GUCY2F: variants seen among roughly 807,000 people sequenced by gnomAD.
GUCY2F encodes guanylate cyclase 2F, retinal.
In GUCY2F, 61 loss-of-function variants were observed where a neutral mutation model predicts 73.1. That is an observed-to-expected ratio of 0.83 (90% confidence interval 0.68 to 1.03). The LOEUF is 1.03. Ranked by LOEUF, GUCY2F falls within the 50% of genes least tolerant of loss-of-function variation. The probability of loss-of-function intolerance (pLI) is 0.00; values close to 1 mark genes in which losing one functional copy is unlikely to be tolerated. For synonymous variants in GUCY2F, 331 were observed against 307.8 expected (o/e 1.08, Z -0.79); for missense variants, 912 against 854.3 (o/e 1.07, Z -0.84).
intron 10 of GUCY2F, among the ~76,000 whole-genome samples, chrX:109,403,319 G>A (rs1930892166): frequency 1.8e-5 from 2 of 111,133 alleles, no homozygotes. Flanking sequence ...GCACTAGACA[G>A]AAGACAAAAA....
At chrX:109,378,458 G>A (rs746557831) in intron 17 of GUCY2F, among the ~76,000 whole-genome samples, 8 of 111,694 alleles carry the variant, frequency 7.2e-5, no homozygotes, top group Non-Finnish European at 1.3e-4. Flanking sequence ...CCTCTATGTG[G>A]ACAAACGAAA....
intron 8 of GUCY2F, among the ~76,000 whole-genome samples, chrX:109,411,622 G>T (rs1931113131): frequency 9.0e-6 from 1 of 111,708 alleles, no homozygotes; most frequent in South Asian, 3.7e-4. Flanking sequence ...AGCACATTTG[G>T]GGGTGGAAAG....
At chrX:109,424,060 A>G (rs1931429603) in intron 8 of GUCY2F, among the ~76,000 whole-genome samples, 1 of 112,381 alleles carries the variant, frequency 8.9e-6, no homozygotes, top group African/African-American at 3.2e-5. Context: ...ACATCATTAC[A>G]GATCCTAAGG....
At chrX:109,441,282 A>G (rs1931861093) in intron 7 of GUCY2F, 69 bp downstream of exon 7, 1 of 681,495 alleles carries the variant, frequency 1.5e-6, no homozygotes, top group East Asian at 3.7e-5. Context: ...CCAAAGACTA[A>G]TTACTAAATC....
intron 7 of GUCY2F, among the ~76,000 whole-genome samples, chrX:109,439,378 G>A (rs1408455453): frequency 9.0e-6 from 1 of 111,429 alleles, no homozygotes; most frequent in Non-Finnish European, 1.9e-5. Flanking sequence ...CCATTCTCCC[G>A]TCATCTTGAT....
At chrX:109,468,788 CA>C (rs1214186369) in intron 2 of GUCY2F, among the ~76,000 whole-genome samples, 1 of 111,763 alleles carries the variant, frequency 8.9e-6, no homozygotes, top group Non-Finnish European at 1.9e-5. Context: ...AAGATCTTGC[CA>C]TTGAACATGA....
At chrX:109,467,349 C>A (rs768287162) in intron 2 of GUCY2F, among the ~76,000 whole-genome samples, 27 of 111,998 alleles carry the variant, frequency 2.4e-4, no homozygotes, top group African/African-American at 8.1e-4. Flanking sequence ...GCCAGTTTGT[C>A]CAACAGTATC....
In GUCY2F at chrX:109,434,947, C is replaced by T. The variant is rs6642684; in HGVS notation, c.1702-4551G>A. Among the ~76,000 whole-genome samples, 128 of 109,438 alleles carry T rather than the reference C, an allele frequency of 1.2e-3. 2 individuals carry two copies. In the East Asian group the frequency reaches 0.035, roughly 30 times the overall value. The stretch of plus-strand genomic sequence containing the variant: ...AGATCAGATAGTTGTAGATATGTGG[C>T]GTTATTTCTGAGGGCTCTGTTCTGT... On this transcript the variant is annotated intron_variant, in intron 7 of 19. Coordinates refer to ENST00000218006, the MANE Select transcript of GUCY2F (RefSeq NM_001522.3).
At chrX:109,444,799 T>C (rs1363664587) in intron 6 of GUCY2F, among the ~76,000 whole-genome samples, 2 of 112,050 alleles carry the variant, frequency 1.8e-5, no homozygotes, top group Admixed American at 9.5e-5. Context: ...CATGATGAGA[T>C]CCAAGGTTGA....
rs915869313 is a variant in GUCY2F at position 109,398,652 on chromosome X, G to A, written c.2172C>T (p.Ser724=). The A allele has an allele frequency of 3.3e-6, 4 of 1,207,638 alleles. No homozygotes were observed. The African/African-American group carries it at 7.0e-5, about 21-fold the overall frequency. The change falls in exon 11 of 20, where the codon AGC becomes AGT. Residue 724 remains serine, a synonymous_variant. Transcript: ENST00000218006. ...CATCTCCTGCAAAAGAACCTAACCT[G>A]CTGCCTCTTGGAGCTCTCAACAGTT... The part of the protein sequence containing the change: ...APELLRAPRG[S]RLGSFAGDVY...
At chrX:109,392,639 GA>G (rs1035612516) in intron 13 of GUCY2F, among the ~76,000 whole-genome samples, 6 of 105,332 alleles carry the variant, frequency 5.7e-5, no homozygotes, top group African/African-American at 2.4e-4. Flanking sequence ...GTGACACACA[GA>G]AAAAACAAGC....
rs756103629 is a variant in GUCY2F at position 109,392,945 on chromosome X, C to G, written c.2535G>C (p.Glu845Asp). ...CCGTTTTCTGTTTTTCAATTTCCAGCTCTTCAGTCCGCTCCCGAATCAAAT... is the reference window on the plus strand; with the variant it reads ...CCGTTTTCTGTTTTTCAATTTCCAGGTCTTCAGTCCGCTCCCGAATCAAAT... The part of the protein sequence containing the change: ...LEDLIRERTE[E>D]LEIEKQKTEK... The change falls in exon 13 of 20, where the codon GAG becomes GAC. Residue 845 changes from glutamate to aspartate, a missense_variant. Transcript: ENST00000218006. 5 of 1,179,593 alleles carry G rather than the reference C, an allele frequency of 4.2e-6. No individual in the cohort carries two copies. Among genetic ancestry groups the G allele is most frequent in the Non-Finnish European group, 4.6e-6 (4 of 868,341 alleles).
Position 109,452,102 on chromosome X carries a change from C to T in GUCY2F, c.1393G>A (p.Asp465Asn), listed in dbSNP as rs1223575730. Residue 465 changes from aspartate (D) to asparagine (N), a missense_variant, in exon 5 of 20, where the codon GAC becomes AAC. Transcript: ENST00000218006. The part of the protein sequence containing the change: ...AEGKICHGGI[D>N]PAFAMMVCLT... ...CAGACCATCATGGCAAAGGCAGGGTCGATGCCTGCAGAGAGTGAGAGGAAG... is the reference window on the plus strand; with the variant it reads ...CAGACCATCATGGCAAAGGCAGGGTTGATGCCTGCAGAGAGTGAGAGGAAG... The T allele has an allele frequency of 9.4e-7, 1 of 1,068,151 alleles. No homozygotes were observed. Among genetic ancestry groups the T allele is most frequent in the South Asian group, 1.9e-5 (1 of 53,878 alleles). 88.0% of individuals were successfully genotyped at this position (1,068,151 alleles called of 1,213,427 possible). A position where few individuals can be genotyped will look rare whatever the true frequency, so the allele number is the denominator to read the frequency against.
intron 6 of GUCY2F, among the ~76,000 whole-genome samples, chrX:109,445,251 T>C (rs1400646274): frequency 1.8e-5 from 2 of 112,146 alleles, no homozygotes; most frequent in Admixed American, 9.4e-5. Flanking sequence ...ATCCAACTCT[T>C]TCACTAGTTG....
intron 3 of GUCY2F, among the ~76,000 whole-genome samples, chrX:109,460,000 T>C (rs1332915461): frequency 1.8e-5 from 2 of 111,272 alleles, no homozygotes; most frequent in Admixed American, 1.9e-4. Context: ...AATGAACTCT[T>C]GGAAATTAAA....
chrX:109,411,606 T>C (rs1931112611), intron 8 of GUCY2F, among the ~76,000 whole-genome samples: 1 of 111,791 alleles, frequency 8.9e-6, no homozygotes, highest in Admixed American at 9.5e-5. Flanking sequence ...CTAAGACAGA[T>C]GGAAAAGCAC....
intron 16 of GUCY2F, among the ~76,000 whole-genome samples, chrX:109,382,617 G>T (rs1930344466): frequency 8.9e-6 from 1 of 112,069 alleles, no homozygotes; most frequent in Non-Finnish European, 1.9e-5. Flanking sequence ...ACATATCTTA[G>T]GCAAAATGAT....
chrX:109,446,297 A>G lies in GUCY2F; in HGVS notation c.1569+1772T>C, dbSNP rs1384965847. On this transcript the variant is annotated intron_variant, in intron 6 of 19. Coordinates refer to ENST00000218006, the MANE Select transcript of GUCY2F (RefSeq NM_001522.3). The stretch of plus-strand genomic sequence containing the variant: ...TACTTTAAAGTTCATATGGAACCAA[A>G]AAAGACCCTGCATTGCCAAGAGAAT... Among the ~76,000 whole-genome samples the G allele has an allele frequency of 2.7e-5, 3 of 112,150 alleles. 1 individual carries two copies. Among genetic ancestry groups the G allele is most frequent in the East Asian group, 5.6e-4 (2 of 3,590 alleles).
chrX:109,423,149 T>C (rs1931405826), intron 8 of GUCY2F, among the ~76,000 whole-genome samples: 1 of 112,331 alleles, frequency 8.9e-6, no homozygotes, highest in African/African-American at 3.2e-5. Context: ...TATATCAGGG[T>C]CAGCAATCTT....
Sources: allele counts gnomAD v4.1 joint callset (sites outside exome capture counted in the v4.1 genomes callset), GRCh38; gene constraint gnomAD v4.1.1; transcripts MANE v1.5; gene names NCBI Gene and HGNC (gene_info 2026-07-23, HGNC 2026-07-21).